ZNG1F: variants seen among roughly 807,000 people sequenced by gnomAD.
ZNG1F encodes zinc-regulated GTPase metalloprotein activator 1F.
At chr9:41,164,661 C>A in the ZNG1F span, 2 of 118,926 alleles carry the variant, frequency 1.7e-5, no homozygotes, top group East Asian at 3.3e-4. Flanking sequence ...CAGGAACTGA[C>A]AGGATGCATC....
the ZNG1F span, among the ~76,000 whole-genome samples, chr9:41,166,164 G>A: frequency 6.4e-5 from 7 of 108,586 alleles, no homozygotes; most frequent in East Asian, 2.6e-4. Context: ...TTGGGAGGCC[G>A]AGGCGGGTGG....
At chr9:41,154,803 G>C in the ZNG1F span, among the ~76,000 whole-genome samples, 944 of 150,356 alleles carry the variant, frequency 6.3e-3, 40 homozygotes, top group Non-Finnish European at 0.011. Flanking sequence ...CTAGCCATAT[G>C]TCGAAAGCTG....
the ZNG1F span, among the ~76,000 whole-genome samples, chr9:41,197,319 A>T: frequency 6.4e-5 from 1 of 15,510 alleles, no homozygotes; most frequent in African/African-American, 1.1e-4. Context: ...CTCTGCCTCC[A>T]AGGTTCAGGC....
the ZNG1F span, among the ~76,000 whole-genome samples, chr9:41,175,159 C>T: frequency 1.3e-4 from 20 of 148,630 alleles, 1 homozygote; most frequent in Admixed American, 5.5e-4. Context: ...CTAAAGCTGT[C>T]CACCTGCTCT....
the ZNG1F span, among the ~76,000 whole-genome samples, chr9:41,166,453 T>C: frequency 4.7e-4 from 64 of 136,072 alleles, no homozygotes; most frequent in Non-Finnish European, 7.0e-4. Flanking sequence ...TACATATATA[T>C]ATATATATAT....
the ZNG1F span, among the ~76,000 whole-genome samples, chr9:41,150,215 T>C: frequency 3.6e-3 from 505 of 141,626 alleles, no homozygotes; most frequent in Non-Finnish European, 5.7e-3. Context: ...GGTGACAGAC[T>C]GCACCTGTAA....
At chr9:41,193,564 C>T in the ZNG1F span, among the ~76,000 whole-genome samples, 1 of 148,484 alleles carries the variant, frequency 6.7e-6, no homozygotes, top group African/African-American at 2.5e-5. Context: ...TGCTCTATCC[C>T]TTACAGAAAA....
the ZNG1F span, chr9:41,145,228 G>A: frequency 6.7e-6 from 2 of 299,730 alleles, no homozygotes; most frequent in South Asian, 5.5e-5. Context: ...TAGTTAAAGA[G>A]GTCCTTTAAA....
the ZNG1F span, among the ~76,000 whole-genome samples, chr9:41,186,687 T>C: frequency 2.3e-4 from 8 of 34,458 alleles, 4 homozygotes; most frequent in Non-Finnish European, 5.4e-4. Flanking sequence ...CTATATCATT[T>C]CTTTATCTTT....
the ZNG1F span, among the ~76,000 whole-genome samples, chr9:41,166,445 C>T: frequency 1.7e-5 from 2 of 117,320 alleles, no homozygotes; most frequent in African/African-American, 6.6e-5. Context: ...TATTATTATA[C>T]ATATATATAT....
the ZNG1F span, chr9:41,165,117 G>A: frequency 1.3e-6 from 2 of 1,545,382 alleles, no homozygotes; most frequent in South Asian, 1.1e-5. Context: ...GAAATGTTAA[G>A]AAATTTTAAA....
chr9:41,184,182 A>C, the ZNG1F span, among the ~76,000 whole-genome samples: 2 of 150,738 alleles, frequency 1.3e-5, no homozygotes, highest in African/African-American at 2.4e-5. Context: ...TGCTCATTTA[A>C]AAATTAAATT....
the ZNG1F span, chr9:41,132,122 G>A: frequency 2.6e-6 from 4 of 1,549,856 alleles, no homozygotes; most frequent in African/African-American, 1.4e-5. Flanking sequence ...AGCTTATTTA[G>A]TTTTAAAAGA....
the ZNG1F span, among the ~76,000 whole-genome samples, chr9:41,144,419 A>C: frequency 8.1e-6 from 1 of 123,796 alleles, no homozygotes; most frequent in African/African-American, 3.0e-5. Context: ...TTCTATCTCC[A>C]AGGACTTGTA....
chr9:41,203,256 C>T, the ZNG1F span, among the ~76,000 whole-genome samples: 2 of 152,288 alleles, frequency 1.3e-5, no homozygotes, highest in Non-Finnish European at 1.5e-5. Context: ...TACTTTGAAG[C>T]TATGTAAATG....
At chr9:41,154,586 A>T in the ZNG1F span, among the ~76,000 whole-genome samples, 1 of 143,424 alleles carries the variant, frequency 7.0e-6, no homozygotes, top group Non-Finnish European at 1.5e-5. Flanking sequence ...GAGGCATCAC[A>T]CTACCTGACT....
At chr9:41,173,658 TA>T in the ZNG1F span, among the ~76,000 whole-genome samples, 8 of 98,714 alleles carry the variant, frequency 8.1e-5, no homozygotes, top group Admixed American at 7.2e-4. Context: ...AGGATTAAAA[TA>T]AAAGGCTCTA....
the ZNG1F span, among the ~76,000 whole-genome samples, chr9:41,154,633 C>T: frequency 4.1e-5 from 6 of 147,172 alleles, 1 homozygote; most frequent in Admixed American, 2.8e-4. Context: ...ACCAAAACAG[C>T]ATGGTACTGG....
chr9:41,203,396 T>A, the ZNG1F span, among the ~76,000 whole-genome samples: 3 of 151,854 alleles, frequency 2.0e-5, no homozygotes, highest in Admixed American at 6.6e-5. Flanking sequence ...ATAACATTTA[T>A]ACAGTTGTGC....
Sources: gnomAD v4.1 joint callset for allele counts (sites outside exome capture counted in the v4.1 genomes callset) on GRCh38, gnomAD v4.1.1 for gene constraint, MANE v1.5 for transcripts, NCBI Gene and HGNC (gene_info 2026-07-23, HGNC 2026-07-21) for gene names.